SEMA4A: variants seen among roughly 807,000 people sequenced by gnomAD.
The protein encoded by SEMA4A is semaphorin-4A.
Under a neutral mutation model 72.5 loss-of-function variants are expected in SEMA4A, and 52 were observed. That is an observed-to-expected ratio of 0.72 (90% CI 0.57 to 0.90). The LOEUF (loss-of-function observed/expected upper bound fraction) is 0.90, where lower values mean the gene tolerates loss of function less well. Among genes scored for constraint, SEMA4A ranks in the 40% least tolerant of loss-of-function variants. SEMA4A has a pLI of 0.00. For missense variants in SEMA4A, 926 were observed against 959.7 expected (o/e 0.96, Z 0.46); for synonymous variants, 369 against 393.1 (o/e 0.94, Z 0.73).
intron 10 of SEMA4A, among the ~76,000 whole-genome samples, chr1:156,170,564 T>C (rs1443101455): frequency 2.1e-5 from 3 of 141,070 alleles, no homozygotes; most frequent in East Asian, 2.2e-4. Context: ...CCATCCTGGC[T>C]AACATGGTGA....
Position 156,176,637 on chromosome 1 carries a change from C to T in SEMA4A, c.1926C>T (p.Ser642=). The T allele has an allele frequency of 6.2e-7, 1 of 1,614,176 alleles. No individual in the cohort carries two copies. Among genetic ancestry groups the T allele is most frequent in the East Asian group, 2.2e-5 (1 of 44,884 alleles). Residue 642 remains serine (S), a synonymous_variant, in exon 15 of 15, where the codon AGC becomes AGT. Coordinates refer to ENST00000368285, the MANE Select transcript of SEMA4A (RefSeq NM_022367.4). The part of the protein sequence containing the change: ...SYPVISYWVD[S]QDQTLALDPE... ...CTGTGATCTCCTACTGGGTGGACAGCCAGGACCAGACCCTGGCCCTGGATC... is the reference window on the plus strand; with the variant it reads ...CTGTGATCTCCTACTGGGTGGACAGTCAGGACCAGACCCTGGCCCTGGATC...
chr1:156,160,701 G>A (rs1297552017), intron 7 of SEMA4A, 142 bp downstream of exon 7: 3 of 1,035,484 alleles, frequency 2.9e-6, no homozygotes, highest in African/African-American at 3.2e-5. Flanking sequence ...GCAAAGCTCC[G>A]GTTCTCTTGA....
upstream of SEMA4A, among the ~76,000 whole-genome samples, chr1:156,152,647 G>A (rs1652637398): frequency 6.6e-6 from 1 of 152,196 alleles, no homozygotes; most frequent in African/African-American, 2.4e-5. Context: ...AACTGAGAGA[G>A]ATGAAAGAAG....
chr1:156,172,835 G>A lies in SEMA4A; in HGVS notation c.1144G>A (p.Gly382Ser), dbSNP rs1191285687. 2 of 1,614,006 alleles carry A rather than the reference G, an allele frequency of 1.2e-6. No individual in the cohort carries two copies. Among genetic ancestry groups the A allele is most frequent in the Admixed American group, 1.7e-5 (1 of 59,988 alleles). ...CTCCCTCCTCCTTTAGTGCTCAGTG[G>A]GCCCCTCCTCTGATAAGGCCCTGAC... is the stretch of plus-strand genomic sequence containing the variant. The part of the protein sequence containing the change: ...TNPRPGSCSV[G>S]PSSDKALTFM... The change falls in exon 11 of 15, where the codon GGC (glycine) becomes AGC (serine). Residue 382 changes from glycine (G) to serine (S), a missense_variant. Coordinates refer to ENST00000368285, the MANE Select transcript of SEMA4A (RefSeq NM_022367.4).
Position 156,161,434 on chromosome 1 carries a change from C to T in SEMA4A, c.899C>T (p.Pro300Leu), listed in dbSNP as rs1653646495. ...QLLCTQPGQLPFNVIRHAVLL... is the reference protein window; with the variant it reads ...QLLCTQPGQLLFNVIRHAVLL... ...CTCTGCACCCAGCCGGGGCAGCTGC[C>T]CTTCAACGTCATCCGCCACGCGGTC... The change falls in exon 9 of 15, where the codon CCC becomes CTC. Residue 300 changes from proline to leucine, a missense_variant. By Grantham distance (98) the Pro-to-Leu change is moderately conservative. Transcript: ENST00000368285. 1 of 1,613,970 alleles carries T rather than the reference C, an allele frequency of 6.2e-7. No homozygotes were observed.
At chr1:156,163,268 C>G (rs1259548486) in intron 10 of SEMA4A, 174 bp downstream of exon 10, 1 of 694,628 alleles carries the variant, frequency 1.4e-6, no homozygotes, top group East Asian at 2.7e-5. Context: ...TGCCTAGCAC[C>G]CTTTTATACA....
At chr1:156,148,780 G>C (rs970504563), upstream of SEMA4A, among the ~76,000 whole-genome samples, 4 of 151,598 alleles carry the variant, frequency 2.6e-5, no homozygotes, top group African/African-American at 9.7e-5. Flanking sequence ...AGGCCAGCCT[G>C]GAAGGGGCTT....
chr1:156,156,556 C>G lies in SEMA4A; in HGVS notation c.282C>G (p.Val94=), dbSNP rs1388703163. 1 of 1,613,792 alleles carries G rather than the reference C, an allele frequency of 6.2e-7. No individual in the cohort carries two copies. Among genetic ancestry groups the G allele is most frequent in the Non-Finnish European group, 8.5e-7 (1 of 1,179,904 alleles). The change falls in exon 3 of 15, where the codon GTC becomes GTG. Residue 94 remains valine (V), a synonymous_variant. Coordinates refer to ENST00000368285, the MANE Select transcript of SEMA4A (RefSeq NM_022367.4). Reference sequence around the variant, plus strand: ...CCTTGGATATCCAGGATCCAGGGGTCCCCAGGCTAAAGAACATGGTGAGGA... The same window carrying G: ...CCTTGGATATCCAGGATCCAGGGGTGCCCAGGCTAAAGAACATGGTGAGGA... ...ILALDIQDPG[V]PRLKNMIPWP...
intron 1 of SEMA4A, among the ~76,000 whole-genome samples, 171 bp downstream of exon 1, chr1:156,153,935 G>A (rs1322652094): frequency 1.3e-5 from 2 of 152,298 alleles, no homozygotes; most frequent in Non-Finnish European, 1.5e-5. Context: ...AACCTGGTGG[G>A]ATGGACCCTC....
At chr1:156,175,375 G>A (rs1572429567) in intron 13 of SEMA4A, 132 bp downstream of exon 13, 7 of 1,248,436 alleles carry the variant, frequency 5.6e-6, no homozygotes, top group Middle Eastern at 2.2e-4. Flanking sequence ...CCTGCAGTGG[G>A]TTCCTCCAGG....
chr1:156,157,670 C>A lies in SEMA4A; in HGVS notation c.301-400C>A, dbSNP rs748212256. 1.3e-5 allele frequency among the ~76,000 whole-genome samples: 2 copies of A among 152,290 alleles called. No homozygotes were observed. Among genetic ancestry groups the A allele is most frequent in the Non-Finnish European group, 2.9e-5 (2 of 68,024 alleles). On this transcript the variant is annotated intron_variant, in intron 3 of 14. Coordinates refer to ENST00000368285, the MANE Select transcript of SEMA4A (RefSeq NM_022367.4). This position sits in a 1 kb window ranked among gnomAD's most constrained non-coding sequence, Gnocchi z 4.5. ...ATTCTCTAAGGCGTGACCCAGGAAC[C>A]AACTTGTTAAACAATTTCCCCAGGA...
intron 3 of SEMA4A, 70 bp downstream of exon 3, chr1:156,156,644 C>G: frequency 6.6e-7 from 1 of 1,514,428 alleles, no homozygotes; most frequent in Non-Finnish European, 9.1e-7. Flanking sequence ...CTGGGCTTGG[C>G]TGCCTGTGCA....
At chr1:156,165,499 C>G (rs1164741001) in intron 10 of SEMA4A, among the ~76,000 whole-genome samples, 1 of 152,098 alleles carries the variant, frequency 6.6e-6, no homozygotes, top group African/African-American at 2.4e-5. Context: ...GATAGTTCAG[C>G]TAGGTATACG....
At chr1:156,170,460 C>CA (rs35927446) in intron 10 of SEMA4A, among the ~76,000 whole-genome samples, 2,215 of 39,444 alleles carry the variant, frequency 0.056, 78 homozygotes, top group African/African-American at 0.12. Flanking sequence ...GATACTGTCT[C>CA]AAAAAAAAAA....
At chr1:156,167,475 C>CAAAAAAAA (rs58793729) in intron 10 of SEMA4A, among the ~76,000 whole-genome samples, 3 of 103,606 alleles carry the variant, frequency 2.9e-5, no homozygotes, top group Non-Finnish European at 3.9e-5. Context: ...GACCCTGTCT[C>CAAAAAAAA]AAAAAAAAAA....
intron 2 of SEMA4A, chr1:156,155,018 T>C: frequency 4.4e-6 from 2 of 449,930 alleles, no homozygotes; most frequent in Middle Eastern, 5.9e-4. Context: ...AATATCACTG[T>C]CACCAAGCTG....
At chr1:156,154,486 G>T in intron 1 of SEMA4A, 64 bp from the exon 2 acceptor site, 1 of 1,447,024 alleles carries the variant, frequency 6.9e-7, no homozygotes, top group Non-Finnish European at 9.4e-7. Context: ...CTCTCCTATT[G>T]GTCCTCGGGG....
At chr1:156,161,674 A>T (rs1335621880) in intron 9 of SEMA4A, 156 bp downstream of exon 9, 1 of 688,390 alleles carries the variant, frequency 1.5e-6, no homozygotes, top group African/African-American at 1.8e-5. Flanking sequence ...CAGGAATTTG[A>T]CTCATGCCCT....
At chr1:156,160,780 C>A in intron 7 of SEMA4A, 125 bp from the exon 8 acceptor site, 1 of 1,423,764 alleles carries the variant, frequency 7.0e-7, no homozygotes, top group Non-Finnish European at 9.8e-7. Flanking sequence ...TACCCCTCGA[C>A]AAGCTGTGGG....
Sources: gnomAD v4.1 joint callset for allele counts (sites outside exome capture counted in the v4.1 genomes callset) on GRCh38, gnomAD v4.1.1 for gene constraint, Gnocchi (gnomAD v3.1) non-coding constraint, MANE v1.5 for transcripts, NCBI Gene and HGNC (gene_info 2026-07-23, HGNC 2026-07-21) for gene names.